Variants in C9 observed in about 807,000 individuals in gnomAD.
C9 encodes complement C9, also known as complement component C9.
C9 carries 63 observed loss-of-function variants against 65.4 expected under a neutral mutation model. The ratio of observed to expected loss-of-function variants is 0.96; its 90% CI spans 0.79 to 1.19. C9 has a LOEUF of 1.19. C9 is among the 50% of genes most tolerant of loss of function. C9 has a pLI of 0.00. For synonymous variants in C9, 229 were observed against 227.9 expected, an observed-to-expected ratio of 1.00 and a Z score of -0.04; for missense variants, 744 against 670.1, an observed-to-expected ratio of 1.11 and a Z score of -1.22.
chr5:39,318,114 G>A (rs906552672), intron 5 of C9, among the ~76,000 whole-genome samples: 4 of 151,454 alleles, frequency 2.6e-5, no homozygotes, highest in South Asian at 2.1e-4. Flanking sequence ...TTTAGCAATC[G>A]TGAATGGGAG....
At position 39,308,669 on chromosome 5, in the gene C9, G is replaced by A. The variant is rs186941452; in HGVS notation, c.1112-311C>T. 1.1e-4 allele frequency among the ~76,000 whole-genome samples: 17 copies of A among 152,286 alleles called. 1 individual carries two copies. The East Asian group carries it at 3.3e-3, about 29-fold the overall frequency. ...AATATCATAGAAAAGGGACAACAAT[G>A]TCTAACATATATTGAATGCTTATCA... On this transcript the variant is annotated intron_variant, in intron 7 of 10. Coordinates refer to ENST00000263408, the MANE Select transcript of C9 (RefSeq NM_001737.5).
chr5:39,350,366 G>C (rs1173550235), intron 1 of C9, among the ~76,000 whole-genome samples: 1 of 152,110 alleles, frequency 6.6e-6, no homozygotes, highest in Non-Finnish European at 1.5e-5. Context: ...TTCCACCCTG[G>C]CTTGTCCAAA....
At chr5:39,332,708 C>T (rs977751504) in intron 4 of C9, among the ~76,000 whole-genome samples, 1 of 152,242 alleles carries the variant, frequency 6.6e-6, no homozygotes, top group African/African-American at 2.4e-5. Context: ...CAAACTCTTC[C>T]ATTGCCCTAG....
At chr5:39,293,866 C>G (rs936434638) in intron 9 of C9, among the ~76,000 whole-genome samples, 1 of 151,886 alleles carries the variant, frequency 6.6e-6, no homozygotes, top group Non-Finnish European at 1.5e-5. Flanking sequence ...CCTTCTAAGA[C>G]CACATGGAAT....
In C9 at chr5:39,364,276, C is replaced by T. The variant is rs971053618; in HGVS notation, c.77+112G>A. On this transcript the variant is annotated intron_variant, in intron 1 of 10. Coordinates refer to ENST00000263408, the MANE Select transcript of C9 (RefSeq NM_001737.5). ...TTTTCGAAGTTTAGATTCTAGGGCT[C>T]TGTATATTGCCATGTGGATTAACAT... is the stretch of plus-strand genomic sequence containing the variant. 8.3e-6 allele frequency: 6 copies of T among 720,650 alleles called. No individual in the cohort carries two copies. The African/African-American group carries it at 1.0e-4, about 12-fold the overall frequency. 44.6% of individuals were successfully genotyped at this position (720,650 alleles called of 1,614,324 possible).
chr5:39,316,138 C>A, intron 5 of C9, 109 bp from the exon 6 acceptor site: 1 of 928,008 alleles, frequency 1.1e-6, no homozygotes, highest in East Asian at 2.6e-5. Flanking sequence ...GGCAGTAGAA[C>A]AAAGGAGTTA....
rs2111930157 is a variant in C9, at chr5:39,331,964, G to C, written c.477-150C>G. The C allele has an allele frequency of 3.9e-6, 3 of 770,474 alleles. No homozygotes were observed. In the South Asian group the frequency reaches 4.2e-5, roughly 11 times the overall value. The allele number at this position is 770,474 out of a possible 1,614,324, so 47.7% of individuals were successfully genotyped here. On this transcript the variant is annotated intron_variant, in intron 4 of 10. Coordinates refer to ENST00000263408, the MANE Select transcript of C9 (RefSeq NM_001737.5). ...TAATCAGGAACAGAAGCAAGAGCCT[G>C]TTCACCTTGGCTCAGTGTCTCTGGC...
At chr5:39,333,132 T>TA (rs1561346893) in intron 4 of C9, among the ~76,000 whole-genome samples, 2 of 151,788 alleles carry the variant, frequency 1.3e-5, no homozygotes, top group East Asian at 1.9e-4. Flanking sequence ...TGAGAAAAAA[T>TA]AAAAAAACAT....
chr5:39,293,703 T>A (rs1753135703), intron 9 of C9, among the ~76,000 whole-genome samples: 1 of 151,916 alleles, frequency 6.6e-6, no homozygotes, highest in Non-Finnish European at 1.5e-5. Context: ...ATAGACCAAA[T>A]GAACCTAACA....
Position 39,288,942 on chromosome 5 carries a change from T to C in C9, c.1426A>G (p.Ile476Val), listed in dbSNP as rs777410675. Residue 476 changes from isoleucine to valine, a missense_variant, in exon 10 of 11, where the codon ATA becomes GTA. Physicochemically the swap from Ile to Val is conservative, Grantham distance 29 (BLOSUM62 3). Coordinates refer to ENST00000263408, the MANE Select transcript of C9 (RefSeq NM_001737.5). ...ATTTTCACTGGAACCAGATTATATA[T>C]AGGAGACAGCTGAAAGGAAGCAAAA... ...PVLISQKLSP[I>V]YNLVPVKMKN... 1.5e-5 allele frequency: 23 copies of C among 1,585,614 alleles called. No individual in the cohort carries two copies. The highest frequency in any genetic ancestry group is 5.4e-5 in the African/African-American group (4 of 74,224).
At chr5:39,362,595 A>G (rs181394012) in intron 1 of C9, among the ~76,000 whole-genome samples, 33 of 152,284 alleles carry the variant, frequency 2.2e-4, no homozygotes, top group South Asian at 8.3e-4. Flanking sequence ...CCAGGACATA[A>G]ATAAAACCAC....
chr5:39,314,219 A>G (rs1579852076), intron 6 of C9, among the ~76,000 whole-genome samples: 2 of 151,926 alleles, frequency 1.3e-5, no homozygotes, highest in Admixed American at 1.3e-4. Context: ...GGAGGCCGAG[A>G]CGGGTGGATC....
intron 1 of C9, among the ~76,000 whole-genome samples, chr5:39,348,494 T>C (rs1176270602): frequency 7.2e-5 from 11 of 152,142 alleles, no homozygotes; most frequent in Non-Finnish European, 1.6e-4. Flanking sequence ...CCAGTTAGAA[T>C]GGCAATCATT....
At chr5:39,348,110 G>A (rs533684722) in intron 1 of C9, among the ~76,000 whole-genome samples, 3 of 152,162 alleles carry the variant, frequency 2.0e-5, no homozygotes, top group East Asian at 3.9e-4. Flanking sequence ...ATAGGCATGG[G>A]CAAGGACTTC....
intron 1 of C9, among the ~76,000 whole-genome samples, chr5:39,349,889 C>T (rs1477186983): frequency 2.6e-5 from 4 of 152,268 alleles, no homozygotes; most frequent in Admixed American, 2.0e-4. Context: ...AATTTTCCCT[C>T]GAGATCCTTT....
At chr5:39,306,930 A>C (rs1753392080) in intron 8 of C9, 138 bp from the exon 9 acceptor site, 2 of 630,494 alleles carry the variant, frequency 3.2e-6, no homozygotes, top group Admixed American at 5.9e-5. Flanking sequence ...TTTAATTGTA[A>C]ATATTGCTTA....
At chr5:39,358,939 C>T (rs989657513) in intron 1 of C9, among the ~76,000 whole-genome samples, 8 of 150,644 alleles carry the variant, frequency 5.3e-5, no homozygotes, top group Admixed American at 2.0e-4. Context: ...GAGCCGAGAT[C>T]GCGCCACTGC....
In C9 at chr5:39,285,219, C is replaced by A; in HGVS notation, c.1660G>T (p.Glu554Ter). Residue 554 changes from glutamate (E) to a stop codon, truncating the protein, a stop_gained, in exon 11 of 11, where the codon GAG (glutamate) becomes TAG (stop). Transcript: ENST00000263408. LOFTEE classifies it high-confidence loss of function. ...CAGCTCTATTTTTCATTGGGGAACT[C>A]TAGGGCTGGCAATCCTAGAGAAAAC... ...QKISEGLPAL[E>*]FPNEK 6.2e-7 allele frequency: 1 copy of A among 1,613,080 alleles called. No homozygotes were observed. The highest frequency in any genetic ancestry group is 8.5e-7 in the Non-Finnish European group (1 of 1,179,198).
rs765058020 is a variant in C9 at position 39,308,273 on chromosome 5, T to C, written c.1197A>G (p.Glu399=). The change falls in exon 8 of 11, where the codon GAA becomes GAG. Residue 399 remains glutamate, a synonymous_variant. Coordinates refer to ENST00000263408, the MANE Select transcript of C9 (RefSeq NM_001737.5). ...TCTTTACACAATCATCTTTATTAAA[T>C]TCAGCTCCAACAGAGATTTCAGAGA... is the stretch of plus-strand genomic sequence containing the variant. ...LAFSEISVGA[E]FNKDDCVKRG... 1.9e-6 allele frequency: 3 copies of C among 1,612,728 alleles called. No homozygotes were observed. Among genetic ancestry groups the C allele is most frequent in the African/African-American group, 1.3e-5 (1 of 74,874 alleles).
Sources: gnomAD v4.1 joint callset for allele counts (sites outside exome capture counted in the v4.1 genomes callset) on GRCh38, gnomAD v4.1.1 for gene constraint, MANE v1.5 for transcripts, NCBI Gene and HGNC (gene_info 2026-07-23, HGNC 2026-07-21) for gene names.